The following PLD1 variants were observed in gnomAD, a reference collection of about 807,000 sequenced individuals.
PLD1 encodes the protein phospholipase D1.
PLD1 carries 112 observed loss-of-function variants against 137.1 expected under a neutral mutation model. The ratio of observed to expected loss-of-function variants is 0.82; its 90% CI spans 0.70 to 0.96. PLD1 has a LOEUF of 0.96. Among genes scored for constraint, PLD1 ranks in the 40% least tolerant of loss-of-function variants. The probability of loss-of-function intolerance (pLI) is 0.00; values close to 1 mark genes in which losing one functional copy is unlikely to be tolerated. For synonymous variants in PLD1, 431 were observed against 454.7 expected, an observed-to-expected ratio of 0.95 and a Z score of 0.66; for missense variants, 1,321 against 1,342.0, an observed-to-expected ratio of 0.98 and a Z score of 0.24.
intron 11 of PLD1, among the ~76,000 whole-genome samples, chr3:171,708,263 G>A (rs1372320064): frequency 6.6e-6 from 1 of 152,154 alleles, no homozygotes; most frequent in African/African-American, 2.4e-5. Flanking sequence ...ATTTTTTTAA[G>A]GTGGTCACAA....
intron 24 of PLD1, 82 bp downstream of exon 24, chr3:171,620,304 T>G: frequency 1.0e-6 from 1 of 965,894 alleles, no homozygotes; most frequent in Admixed American, 2.2e-5. Flanking sequence ...AAAGGATGCT[T>G]AGGAGGAATA....
chr3:171,668,517 C>G (rs1371587900), intron 19 of PLD1, among the ~76,000 whole-genome samples: 4 of 152,092 alleles, frequency 2.6e-5, no homozygotes, highest in Non-Finnish European at 2.9e-5. Context: ...GTTATTTATA[C>G]TTTCTTGAAA....
intron 1 of PLD1, among the ~76,000 whole-genome samples, chr3:171,757,920 A>G (rs1721135900): frequency 6.6e-6 from 1 of 152,234 alleles, no homozygotes; most frequent in South Asian, 2.1e-4. Flanking sequence ...GCTACCCAAT[A>G]TAAGAAATAG....
intron 23 of PLD1, among the ~76,000 whole-genome samples, chr3:171,622,040 C>T (rs1733683108): frequency 6.6e-6 from 1 of 152,150 alleles, no homozygotes; most frequent in South Asian, 2.1e-4. Flanking sequence ...CAGGTATCAG[C>T]TGAAACTAAA....
chr3:171,768,005 G>T (rs943157189), intron 1 of PLD1, among the ~76,000 whole-genome samples: 2 of 97,184 alleles, frequency 2.1e-5, no homozygotes, highest in Non-Finnish European at 4.4e-5. Flanking sequence ...TGACTTTTAT[G>T]TGTTCATTAT....
intron 1 of PLD1, among the ~76,000 whole-genome samples, chr3:171,757,449 C>G (rs966295949): frequency 2.6e-5 from 4 of 152,118 alleles, no homozygotes; most frequent in African/African-American, 9.7e-5. Context: ...AGCAGGAATA[C>G]CCAGCTCCTC....
intron 1 of PLD1, among the ~76,000 whole-genome samples, chr3:171,776,813 T>C (rs1722606050): frequency 6.6e-6 from 1 of 152,216 alleles, no homozygotes; most frequent in Admixed American, 6.5e-5. Flanking sequence ...CTGCAAAGTG[T>C]AGCATCATTT....
At chr3:171,726,676 T>C (rs917666019) in intron 6 of PLD1, among the ~76,000 whole-genome samples, 1 of 152,214 alleles carries the variant, frequency 6.6e-6, no homozygotes. Context: ...TTTAATGAGT[T>C]GAAGAGGAAG....
At position 171,735,705 on chromosome 3, in the gene PLD1, C is replaced by G. The variant is rs1719308417; in HGVS notation, c.289-68G>C. On this transcript the variant is annotated intron_variant, in intron 3 of 26. Transcript: ENST00000351298. The stretch of plus-strand genomic sequence containing the variant: ...AAAAATTCCAAAAGCTTTCAGTGAA[C>G]AATATTTAACTAGTAACAGAGAAGT... 4.2e-5 allele frequency: 34 copies of G among 817,968 alleles called. No individual in the cohort carries two copies. The South Asian group carries it at 5.2e-4, about 12-fold the overall frequency. 50.7% of individuals were successfully genotyped at this position (817,968 alleles called of 1,614,324 possible). A position where few individuals can be genotyped will look rare whatever the true frequency, so the allele number is the denominator to read the frequency against.
At chr3:171,649,535 TA>T (rs1736550315) in intron 21 of PLD1, among the ~76,000 whole-genome samples, 1 of 152,190 alleles carries the variant, frequency 6.6e-6, no homozygotes, top group Non-Finnish European at 1.5e-5. Context: ...CCTTCGGAAA[TA>T]CTGAATCCTC....
chr3:171,608,111 G>C (rs1732350848), intron 25 of PLD1, among the ~76,000 whole-genome samples: 2 of 152,144 alleles, frequency 1.3e-5, no homozygotes, highest in East Asian at 1.9e-4. Flanking sequence ...AATTATTGAA[G>C]AACAACTGCC....
At chr3:171,723,818 A>T (rs908916892) in intron 8 of PLD1, among the ~76,000 whole-genome samples, 1 of 151,952 alleles carries the variant, frequency 6.6e-6, no homozygotes, top group East Asian at 1.9e-4. Context: ...AAATCAGATT[A>T]TTAGATTTTT....
intron 1 of PLD1, among the ~76,000 whole-genome samples, chr3:171,800,610 A>G (rs1723605400): frequency 6.6e-6 from 1 of 152,234 alleles, no homozygotes; most frequent in South Asian, 2.1e-4. Context: ...TCTGCTGTCT[A>G]CATCCCTGGA....
chr3:171,756,757 G>C (rs1203235727), intron 1 of PLD1, among the ~76,000 whole-genome samples: 3 of 152,112 alleles, frequency 2.0e-5, no homozygotes, highest in Non-Finnish European at 4.4e-5. Context: ...ATAAATAGTG[G>C]CAAAATTCAT....
At chr3:171,696,367 G>A (rs1356726949) in intron 12 of PLD1, among the ~76,000 whole-genome samples, 1 of 152,154 alleles carries the variant, frequency 6.6e-6, no homozygotes, top group African/African-American at 2.4e-5. Context: ...TGGCATTGCA[G>A]ATCAGAAGGC....
At chr3:171,780,282 A>G (rs1414876619) in intron 1 of PLD1, among the ~76,000 whole-genome samples, 4 of 147,494 alleles carry the variant, frequency 2.7e-5, no homozygotes, top group African/African-American at 1.0e-4. Flanking sequence ...GAGGACTGGG[A>G]TTTGGATCCA....
chr3:171,612,158 G>A lies in PLD1; in HGVS notation c.2882+121C>T. ...TGGTGGTACATATCCTATATTCTGG[G>A]ACACACTGTTTTAGATGAAGAAGAA... On this transcript the variant is annotated intron_variant, in intron 25 of 26. Coordinates refer to ENST00000351298, the MANE Select transcript of PLD1 (RefSeq NM_002662.5). This position sits in a 1 kb window ranked among gnomAD's most constrained non-coding sequence, Gnocchi z 4.1. The A allele has an allele frequency of 1.3e-6, 1 of 794,492 alleles. No homozygotes were observed. Among genetic ancestry groups the A allele is most frequent in the South Asian group, 1.8e-5 (1 of 54,352 alleles). 49.2% of individuals were successfully genotyped at this position (794,492 alleles called of 1,614,324 possible). A position where few individuals can be genotyped will look rare whatever the true frequency, so the allele number is the denominator to read the frequency against.
intron 19 of PLD1, among the ~76,000 whole-genome samples, chr3:171,671,627 G>C (rs969381906): frequency 6.6e-6 from 1 of 152,074 alleles, no homozygotes; most frequent in African/African-American, 2.4e-5. Flanking sequence ...TGTTTGGAAA[G>C]ATGGAAACAG....
At chr3:171,786,173 G>T (rs1723006996) in intron 1 of PLD1, among the ~76,000 whole-genome samples, 1 of 152,180 alleles carries the variant, frequency 6.6e-6, no homozygotes, top group Non-Finnish European at 1.5e-5. Flanking sequence ...CCTGGCAGAA[G>T]AATAATTACC....
Sources: allele counts gnomAD v4.1 joint callset (sites outside exome capture counted in the v4.1 genomes callset), GRCh38; gene constraint gnomAD v4.1.1; non-coding constraint Gnocchi (gnomAD v3.1); transcripts MANE v1.5; gene names NCBI Gene and HGNC (gene_info 2026-07-23, HGNC 2026-07-21).